The following D2HGDH variants were observed in gnomAD, a reference collection of about 807,000 sequenced individuals.
D2HGDH encodes the protein D-2-hydroxyglutarate dehydrogenase, mitochondrial.
A neutral mutation model predicts 46.9 loss-of-function variants in D2HGDH; 31 were observed. That is an observed-to-expected ratio of 0.66 (90% CI 0.50 to 0.89). D2HGDH has a LOEUF of 0.89. Ranked by LOEUF, D2HGDH falls within the 40% of genes least tolerant of loss-of-function variation. The pLI is 0.00. For synonymous variants in D2HGDH, 364 were observed against 332.6 expected (o/e 1.09, Z -1.03); for missense variants, 698 against 720.8 (o/e 0.97, Z 0.36).
chr2:241,747,875 T>C (rs1696291738), intron 6 of D2HGDH, among the ~76,000 whole-genome samples: 2 of 152,172 alleles, frequency 1.3e-5, no homozygotes, highest in South Asian at 4.2e-4. Flanking sequence ...ATTCTGCTTT[T>C]TTCTCATTCT....
chr2:241,757,734 G>C (rs1698323022), intron 9 of D2HGDH, among the ~76,000 whole-genome samples: 1 of 152,136 alleles, frequency 6.6e-6, no homozygotes, highest in Non-Finnish European at 1.5e-5. Context: ...GAGGCGGGTG[G>C]ATCACCTGAG....
intron 8 of D2HGDH, chr2:241,755,447 C>G: frequency 7.6e-7 from 1 of 1,312,450 alleles, no homozygotes. Flanking sequence ...GCCCTTGCCA[C>G]TCTGTGCCGT....
At chr2:241,741,629 A>G (rs75210574) in intron 3 of D2HGDH, among the ~76,000 whole-genome samples, 3,166 of 28,336 alleles carry the variant, frequency 0.11, 12 homozygotes, top group Middle Eastern at 0.19. Context: ...TATTTCATGT[A>G]TGGGGCTTGC....
chr2:241,744,601 T>A lies in D2HGDH; in HGVS notation c.685-108T>A, dbSNP rs1695384098. 4 of 1,357,988 alleles carry A rather than the reference T, an allele frequency of 2.9e-6. No individual in the cohort carries two copies. In the South Asian group the frequency reaches 4.7e-5, roughly 16 times the overall value. 84.1% of individuals were successfully genotyped at this position (1,357,988 alleles called of 1,614,324 possible). A position where few individuals can be genotyped will look rare whatever the true frequency, so the allele number is the denominator to read the frequency against. ...CAGGAGGAAAGTCCATCCTTCAGCC[T>A]CTTGGCATGACCTCAGGCTGCTGCA... is the stretch of plus-strand genomic sequence containing the variant. On this transcript the variant is annotated intron_variant, in intron 5 of 9. Transcript: ENST00000321264.
At chr2:241,762,051 TTC>T (rs1437420521) in intron 9 of D2HGDH, among the ~76,000 whole-genome samples, 2 of 148,580 alleles carry the variant, frequency 1.3e-5, no homozygotes, top group Non-Finnish European at 3.0e-5. Flanking sequence ...AATAAATAAT[TTC>T]TTTCTTTTTC....
At chr2:241,761,675 A>C (rs1698834851) in intron 9 of D2HGDH, among the ~76,000 whole-genome samples, 1 of 152,144 alleles carries the variant, frequency 6.6e-6, no homozygotes, top group African/African-American at 2.4e-5. Flanking sequence ...ACTGAGGGGC[A>C]CCTGCATGCT....
At position 241,768,222 on chromosome 2, in the gene D2HGDH, C is replaced by T. The variant is rs1699309905; in HGVS notation, c.*253C>T. Reference sequence around the variant, plus strand: ...GCCTCTGCAGCCATCCTGGACAGGCCGGGGTGGCGGCAGCTTTGCCCACGT... The same window carrying T: ...GCCTCTGCAGCCATCCTGGACAGGCTGGGGTGGCGGCAGCTTTGCCCACGT... On this transcript the variant is annotated 3_prime_UTR_variant, in exon 10 of 10. Transcript: ENST00000321264. The T allele has an allele frequency of 3.1e-5, 18 of 585,206 alleles. No individual in the cohort carries two copies. The highest frequency in any genetic ancestry group is 2.1e-4 in the East Asian group (7 of 32,960). 36.3% of individuals were successfully genotyped at this position (585,206 alleles called of 1,614,324 possible).
chr2:241,755,756 A>G, intron 8 of D2HGDH, 93 bp from the exon 9 acceptor site: 1 of 1,609,458 alleles, frequency 6.2e-7, no homozygotes, highest in Non-Finnish European at 8.5e-7. Context: ...AAGATACAGA[A>G]CATGCTGCTG....
intron 9 of D2HGDH, 135 bp downstream of exon 9, chr2:241,756,149 C>G: frequency 1.6e-6 from 2 of 1,282,108 alleles, no homozygotes; most frequent in Non-Finnish European, 2.1e-6. Context: ...TAGACACTGG[C>G]AGGACCACGG....
At position 241,755,899 on chromosome 2, in the gene D2HGDH, C is replaced by T. The variant is rs772322155; in HGVS notation, c.1191C>T (p.Gly397=). The T allele has an allele frequency of 3.3e-5, 54 of 1,613,110 alleles. No homozygotes were observed. The South Asian group carries it at 3.4e-4, about 10-fold the overall frequency. The part of the protein sequence containing the change: ...ERITEALSRD[G]YVYKYDLSLP... The stretch of plus-strand genomic sequence containing the variant: ...TCACAGAGGCGCTGAGCCGGGATGG[C>T]TACGTGTACAAGTACGACCTCTCCC... Residue 397 remains glycine (G), a synonymous_variant, in exon 9 of 10, where the codon GGC becomes GGT. Transcript: ENST00000321264.
chr2:241,756,544 G>A (rs1055060377), intron 9 of D2HGDH, among the ~76,000 whole-genome samples: 2 of 151,900 alleles, frequency 1.3e-5, no homozygotes, highest in African/African-American at 2.4e-5. Context: ...TTTTTGAGAC[G>A]CAGTTTCACT....
At chr2:241,748,354 CA>C (rs891784327) in intron 6 of D2HGDH, among the ~76,000 whole-genome samples, 7 of 152,194 alleles carry the variant, frequency 4.6e-5, no homozygotes, top group African/African-American at 1.7e-4. Flanking sequence ...CTCCTGACCT[CA>C]AGTGATCTGC....
intron 7 of D2HGDH, among the ~76,000 whole-genome samples, chr2:241,750,966 C>T (rs189470419): frequency 1.2e-4 from 18 of 152,320 alleles, no homozygotes; most frequent in Non-Finnish European, 2.4e-4. Flanking sequence ...CCGTGTTGTC[C>T]AGGCTGGTCT....
intron 9 of D2HGDH, among the ~76,000 whole-genome samples, chr2:241,756,558 G>A (rs1698202707): frequency 6.6e-6 from 1 of 152,192 alleles, no homozygotes; most frequent in African/African-American, 2.4e-5. Context: ...TTTCACTCTT[G>A]TCACCCAGGC....
chr2:241,767,723 G>A lies in D2HGDH; in HGVS notation c.1320G>A (p.Leu440=). ...VGYGHLGDGN[L]HLNVTAEAFS... ...TTGTCCCTCCAGGAGATGGTAACCT[G>A]CACCTCAATGTGACGGCGGAGGCCT... Residue 440 remains leucine, a synonymous_variant, in exon 10 of 10, where the codon CTG becomes CTA. Transcript: ENST00000321264. 6.2e-7 allele frequency: 1 copy of A among 1,612,904 alleles called. No individual in the cohort carries two copies. The highest frequency in any genetic ancestry group is 8.5e-7 in the Non-Finnish European group (1 of 1,179,552).
At position 241,767,816 on chromosome 2, in the gene D2HGDH, C is replaced by T. The variant is rs755871797; in HGVS notation, c.1413C>T (p.Ser471=). The T allele has an allele frequency of 1.5e-5, 24 of 1,612,212 alleles. No homozygotes were observed. In the African/African-American group the frequency reaches 1.6e-4, roughly 11 times the overall value. The change falls in exon 10 of 10, where the codon AGC becomes AGT. Residue 471 remains serine, a synonymous_variant. Coordinates refer to ENST00000321264, the MANE Select transcript of D2HGDH (RefSeq NM_152783.5). The part of the protein sequence containing the change: ...VYEWTAGQQG[S]VSAEHGVGFR... ...AGTGGACGGCCGGGCAGCAGGGCAG[C>T]GTCAGCGCGGAGCACGGAGTGGGCT...
intron 9 of D2HGDH, among the ~76,000 whole-genome samples, chr2:241,760,383 C>A (rs1335851625): frequency 7.0e-6 from 1 of 143,642 alleles, no homozygotes; most frequent in African/African-American, 2.6e-5. Context: ...AAGGCCTTTG[C>A]CACAGCGTGG....
intron 9 of D2HGDH, among the ~76,000 whole-genome samples, chr2:241,757,788 C>T (rs1346266229): frequency 6.6e-6 from 1 of 151,968 alleles, no homozygotes; most frequent in East Asian, 1.9e-4. Flanking sequence ...TGAAACCTCG[C>T]CTCTACTAAA....
In D2HGDH at chr2:241,755,941, C is replaced by G; in HGVS notation, c.1233C>G (p.Leu411=). 1 of 1,611,634 alleles carries G rather than the reference C, an allele frequency of 6.2e-7. No individual in the cohort carries two copies. Among genetic ancestry groups the G allele is most frequent in the South Asian group, 1.1e-5 (1 of 91,072 alleles). ...KYDLSLPVER[L]YDIVTDLRAR... is the part of the protein sequence containing the mutation. ...ACCTCTCCCTCCCTGTGGAGCGGCT[C>G]TACGACATCGTGACTGACCTGCGCG... Residue 411 remains leucine, a synonymous_variant, in exon 9 of 10, where the codon CTC becomes CTG. Transcript: ENST00000321264.
Sources: allele counts gnomAD v4.1 joint callset (sites outside exome capture counted in the v4.1 genomes callset), GRCh38; gene constraint gnomAD v4.1.1; transcripts MANE v1.5; gene names NCBI Gene and HGNC (gene_info 2026-07-23, HGNC 2026-07-21).